Variants in DHX9 observed in about 807,000 individuals in gnomAD.
The protein encoded by DHX9 is ATP-dependent RNA helicase A.
DHX9 carries 27 observed loss-of-function variants against 148.7 expected under a neutral mutation model. That is an observed-to-expected ratio of 0.18 (90% CI 0.13 to 0.25). DHX9 has a LOEUF of 0.25. Among genes scored for constraint, DHX9 ranks in the 10% least tolerant of loss-of-function variants. The pLI is 1.00. For synonymous variants in DHX9, 529 were observed against 516.6 expected, an observed-to-expected ratio of 1.02 and a Z score of -0.33; for missense variants, 796 against 1,559.6, an observed-to-expected ratio of 0.51 and a Z score of 8.25.
At position 182,878,124 on chromosome 1, in the gene DHX9, G is replaced by A; in HGVS notation, c.2302G>A (p.Val768Ile). ...GCAACGGAAAGGGCGAGCTGGCCGAGTACGGCCTGGATTCTGCTTTCACCT... is the reference window on the plus strand; with the variant it reads ...GCAACGGAAAGGGCGAGCTGGCCGAATACGGCCTGGATTCTGCTTTCACCT... ...LEQRKGRAGR[V>I]RPGFCFHLCS... Residue 768 changes from valine (V) to isoleucine (I), a missense_variant, in exon 20 of 28, where the codon GTA becomes ATA. By Grantham distance (29) the Val-to-Ile change is conservative. Around this residue, in one of 14 missense-constraint regions of DHX9, gnomAD observed 122 missense variants for 289.3 expected, o/e 0.42. Transcript: ENST00000367549. The A allele has an allele frequency of 1.2e-6, 2 of 1,614,236 alleles. No homozygotes were observed.
chr1:182,841,975 C>T (rs1667940525), intron 1 of DHX9, among the ~76,000 whole-genome samples: 1 of 152,148 alleles, frequency 6.6e-6, no homozygotes, highest in African/African-American at 2.4e-5. Flanking sequence ...TGGCCTACAA[C>T]TTTGGGGACA....
intron 3 of DHX9, among the ~76,000 whole-genome samples, chr1:182,850,735 A>G (rs1351988731): frequency 2.0e-5 from 3 of 152,206 alleles, no homozygotes; most frequent in Non-Finnish European, 4.4e-5. Context: ...GTGATAAAAT[A>G]TATATTGTGT....
intron 12 of DHX9, among the ~76,000 whole-genome samples, chr1:182,861,825 C>G (rs1166175626): frequency 6.6e-6 from 1 of 152,188 alleles, no homozygotes; most frequent in East Asian, 1.9e-4. Flanking sequence ...GTCCCAAAAT[C>G]AGTCTCATAC....
chr1:182,857,976 A>G (rs1383004832), intron 7 of DHX9, 128 bp from the exon 8 acceptor site: 16 of 881,056 alleles, frequency 1.8e-5, no homozygotes, highest in East Asian at 7.8e-5. Flanking sequence ...ATAAAAAGGA[A>G]CTAGAAGCCA....
chr1:182,856,417 T>A, intron 6 of DHX9, 115 bp from the exon 7 acceptor site: 1 of 708,312 alleles, frequency 1.4e-6, no homozygotes, highest in Non-Finnish European at 2.4e-6. Context: ...ATGTTGGTAA[T>A]TTTTTTTTTC....
At chr1:182,853,137 G>C (rs910970687) in intron 4 of DHX9, among the ~76,000 whole-genome samples, 169 bp from the exon 5 acceptor site, 4 of 151,942 alleles carry the variant, frequency 2.6e-5, no homozygotes, top group Non-Finnish European at 4.4e-5. Flanking sequence ...ATGTTGACCA[G>C]GCTGGTCTCA....
intron 22 of DHX9, 31 bp downstream of exon 22, chr1:182,880,639 A>C: frequency 7.1e-7 from 1 of 1,399,638 alleles, no homozygotes; most frequent in Non-Finnish European, 1.0e-6. Flanking sequence ...CTCTTCGTTA[A>C]GTGGCAGAAT....
chr1:182,867,726 C>A (rs1312451092), intron 14 of DHX9, among the ~76,000 whole-genome samples: 1 of 152,144 alleles, frequency 6.6e-6, no homozygotes, highest in African/African-American at 2.4e-5. Flanking sequence ...ATTAAGAGTC[C>A]TTTTAGATGT....
intron 2 of DHX9, 44 bp downstream of exon 2, chr1:182,842,721 A>G (rs754705916): frequency 5.6e-5 from 83 of 1,480,122 alleles, no homozygotes; most frequent in Non-Finnish European, 6.7e-5. Flanking sequence ...TATGAGGTTC[A>G]TTTTGGGGTT....
rs531837935 is a variant in DHX9, at chr1:182,859,681, C to T, written c.1141-312C>T. On this transcript the variant is annotated intron_variant, in intron 11 of 27. Coordinates refer to ENST00000367549, the MANE Select transcript of DHX9 (RefSeq NM_001357.5). ...AGGCTGGAGTACAGTGGCTCAGTCT[C>T]GGCTCACTGCACCCTCCGCCTCCTT... is the stretch of plus-strand genomic sequence containing the variant. 2.3e-4 allele frequency among the ~76,000 whole-genome samples: 35 copies of T among 152,228 alleles called. No homozygotes were observed. The South Asian group carries it at 7.1e-3, about 31-fold the overall frequency.
chr1:182,841,775 A>T lies in DHX9; in HGVS notation c.-22-770A>T, dbSNP rs147368079. Among the ~76,000 whole-genome samples the T allele has an allele frequency of 2.0e-5, 3 of 152,366 alleles. No individual in the cohort carries two copies. In the East Asian group the frequency reaches 5.8e-4, roughly 29 times the overall value. On this transcript the variant is annotated intron_variant, in intron 1 of 27. Transcript: ENST00000367549. Reference sequence around the variant, plus strand: ...ATCTTGCTTACAGTTTAGACTCAGCATTTAGACTGATAGGCTCCATATCTT... The same window carrying T: ...ATCTTGCTTACAGTTTAGACTCAGCTTTTAGACTGATAGGCTCCATATCTT...
In DHX9 at chr1:182,857,301, C is replaced by T. The variant is rs140752428; in HGVS notation, c.673+723C>T. Among the ~76,000 whole-genome samples the T allele has an allele frequency of 5.1e-4, 78 of 152,278 alleles. No individual in the cohort carries two copies. In the Middle Eastern group the frequency reaches 0.014, roughly 27 times the overall value. On this transcript the variant is annotated intron_variant, in intron 7 of 27. Coordinates refer to ENST00000367549, the MANE Select transcript of DHX9 (RefSeq NM_001357.5). ...TAGGCAGAAAGATACCTTTGTACCCCTTTGCTTTATATTCATCTCTCCTAA... is the reference window on the plus strand; with the variant it reads ...TAGGCAGAAAGATACCTTTGTACCCTTTTGCTTTATATTCATCTCTCCTAA...
At chr1:182,865,392 A>G (rs891672259) in intron 12 of DHX9, among the ~76,000 whole-genome samples, 1 of 152,206 alleles carries the variant, frequency 6.6e-6, no homozygotes, top group African/African-American at 2.4e-5. Context: ...TGATATTTAA[A>G]CAGCTGATCT....
intron 11 of DHX9, 100 bp from the exon 12 acceptor site, chr1:182,859,893 C>A: frequency 1.7e-6 from 2 of 1,197,314 alleles, no homozygotes; most frequent in Non-Finnish European, 2.3e-6. Context: ...CGTGAGCCAC[C>A]GCGCCCAGTC....
Position 182,887,221 on chromosome 1 carries a change from T to C in DHX9, c.3600T>C (p.Gly1200=), listed in dbSNP as rs375696417. 6.2e-7 allele frequency: 1 copy of C among 1,614,084 alleles called. No homozygotes were observed. The highest frequency in any genetic ancestry group is 8.5e-7 in the Non-Finnish European group (1 of 1,180,012). The change falls in exon 28 of 28, where the codon GGT becomes GGC. Residue 1200 remains glycine (G), a synonymous_variant. Coordinates refer to ENST00000367549, the MANE Select transcript of DHX9 (RefSeq NM_001357.5). ...SSGGYGSGGY[G]GSANSFRAGY... Reference sequence around the variant, plus strand: ...GAGGCTATGGTAGCGGAGGCTATGGTGGCAGCGCCAACTCCTTTCGGGCAG... The same window carrying C: ...GAGGCTATGGTAGCGGAGGCTATGGCGGCAGCGCCAACTCCTTTCGGGCAG...
At chr1:182,840,298 C>CT (rs1667897306) in intron 1 of DHX9, among the ~76,000 whole-genome samples, 1 of 128,624 alleles carries the variant, frequency 7.8e-6, no homozygotes, top group African/African-American at 3.7e-5. Flanking sequence ...AATTCTTGCG[C>CT]CTTTTTTTTT....
intron 3 of DHX9, among the ~76,000 whole-genome samples, chr1:182,845,422 G>A (rs372512825): frequency 4.2e-4 from 60 of 144,446 alleles, no homozygotes; most frequent in African/African-American, 1.6e-3. Context: ...CTTTTGGTAT[G>A]TAAGTGGAAA....
intron 15 of DHX9, among the ~76,000 whole-genome samples, chr1:182,872,914 G>A (rs1315950506): frequency 1.3e-5 from 2 of 152,232 alleles, no homozygotes; most frequent in African/African-American, 4.8e-5. Flanking sequence ...TAAAGGAAGT[G>A]TATCAAGGTT....
rs760644399 is a variant in DHX9 at position 182,858,177 on chromosome 1, A to G, written c.747A>G (p.Gln249=). Residue 249 remains glutamine, a synonymous_variant, in exon 8 of 28, where the codon CAA becomes CAG. Coordinates refer to ENST00000367549, the MANE Select transcript of DHX9 (RefSeq NM_001357.5). ...CCTGTGCCCTGTCACTTGTCAGACAACTGTACCATCTTGGAGTGGTTGAAG... is the reference window on the plus strand; with the variant it reads ...CCTGTGCCCTGTCACTTGTCAGACAGCTGTACCATCTTGGAGTGGTTGAAG... ...AQSCALSLVR[Q]LYHLGVVEAY... 4 of 1,614,194 alleles carry G rather than the reference A, an allele frequency of 2.5e-6. No individual in the cohort carries two copies. Among genetic ancestry groups the G allele is most frequent in the South Asian group, 1.1e-5 (1 of 91,086 alleles).
Sources: allele counts gnomAD v4.1 joint callset (sites outside exome capture counted in the v4.1 genomes callset), GRCh38; gene constraint gnomAD v4.1.1; regional missense constraint gnomAD v4.1.1; transcripts MANE v1.5; gene names NCBI Gene and HGNC (gene_info 2026-07-23, HGNC 2026-07-21).